The following PLGRKT variants were observed in gnomAD, a reference collection of about 807,000 sequenced individuals.
The protein encoded by PLGRKT is plasminogen receptor (KT).
PLGRKT carries 22 observed loss-of-function variants against 18.5 expected under a neutral mutation model. The observed-to-expected ratio is 1.19, with a 90% CI of 0.85 to 1.70. The LOEUF (loss-of-function observed/expected upper bound fraction) is 1.70. Among genes scored for constraint, PLGRKT ranks in the 40% most tolerant of loss-of-function variants. The probability of loss-of-function intolerance (pLI) is 0.00; values close to 1 mark genes in which losing one functional copy is unlikely to be tolerated. For synonymous variants in PLGRKT, 72 were observed against 52.8 expected, an observed-to-expected ratio of 1.36 and a Z score of -1.58; for missense variants, 235 against 174.4, an observed-to-expected ratio of 1.35 and a Z score of -1.96.
At chr9:5,368,749 C>A (rs1817451158) in intron 3 of PLGRKT, among the ~76,000 whole-genome samples, 1 of 152,048 alleles carries the variant, frequency 6.6e-6, no homozygotes, top group African/African-American at 2.4e-5. Context: ...ATAAAGATAC[C>A]AAAACGGATA....
intron 3 of PLGRKT, among the ~76,000 whole-genome samples, chr9:5,417,191 G>A (rs1280565510): frequency 6.6e-6 from 1 of 152,162 alleles, no homozygotes; most frequent in African/African-American, 2.4e-5. Context: ...GGCTGTGTGG[G>A]CAGAACCTGG....
At chr9:5,405,612 A>T (rs1818240824) in intron 3 of PLGRKT, among the ~76,000 whole-genome samples, 1 of 152,228 alleles carries the variant, frequency 6.6e-6, no homozygotes. Context: ...TTAACTCAAG[A>T]TGGATTAAAG....
In PLGRKT at chr9:5,418,702, C is replaced by G. The variant is rs554621608; in HGVS notation, c.81+13195G>C. 4.2e-5 allele frequency: 28 copies of G among 663,172 alleles called. No individual in the cohort carries two copies. Among genetic ancestry groups the G allele is most frequent in the Admixed American group, 8.4e-5 (4 of 47,590 alleles). The allele number at this position is 663,172 out of a possible 1,614,324, so 41.1% of individuals were successfully genotyped here. A position where few individuals can be genotyped will look rare whatever the true frequency, so the allele number is the denominator to read the frequency against. ...CATGTAGCACCCACTGCCGGGAAGT[C>G]TGATGAAGACCGGCATGTGCTCCGA... On this transcript the variant is annotated intron_variant, in intron 3 of 5. Transcript: ENST00000223864. The surrounding 1 kb of genome is among the most constrained non-coding windows in gnomAD (Gnocchi z 4.2).
At chr9:5,361,996 T>C (rs1817278191) in intron 3 of PLGRKT, 108 bp from the exon 4 acceptor site, 8 of 1,104,104 alleles carry the variant, frequency 7.2e-6, no homozygotes, top group African/African-American at 1.6e-5. Flanking sequence ...CTTTAATTCA[T>C]GTTTTTTCAA....
intron 3 of PLGRKT, among the ~76,000 whole-genome samples, chr9:5,420,882 G>A (rs993913457): frequency 2.0e-5 from 3 of 152,100 alleles, no homozygotes; most frequent in East Asian, 1.9e-4. Flanking sequence ...ACAGATGGGG[G>A]GCACAAGTGT....
In PLGRKT at chr9:5,371,986, CT is replaced by C. The variant is rs71326158; in HGVS notation, c.82-10099del. On this transcript the variant is annotated intron_variant, in intron 3 of 5. Coordinates refer to ENST00000223864, the MANE Select transcript of PLGRKT (RefSeq NM_018465.4). Reference sequence around the variant, plus strand: ...CTGCAAAAAACAATATCAGAAAATCCTTTTTTTTTTTTTGATATGGAGTCTC... The same window carrying C: ...CTGCAAAAAACAATATCAGAAAATCCTTTTTTTTTTTTGATATGGAGTCTC... 1.3e-3 allele frequency among the ~76,000 whole-genome samples: 112 copies of C among 89,058 alleles called. 1 individual carries two copies. The highest frequency in any genetic ancestry group is 1.1e-3 in the Non-Finnish European group (51 of 48,552). 58.4% of individuals were successfully genotyped at this position (89,058 alleles called of 152,430 possible).
chr9:5,366,607 G>C (rs1268299843), intron 3 of PLGRKT, among the ~76,000 whole-genome samples: 1 of 152,042 alleles, frequency 6.6e-6, no homozygotes, highest in East Asian at 1.9e-4. Flanking sequence ...AAAATAATAA[G>C]AGCCATCTAT....
At chr9:5,368,815 C>T (rs149308971) in intron 3 of PLGRKT, among the ~76,000 whole-genome samples, 535 of 152,214 alleles carry the variant, frequency 3.5e-3, no homozygotes, top group Non-Finnish European at 6.6e-3. Context: ...CATCTACAAC[C>T]ATCTGATCTT....
intron 3 of PLGRKT, among the ~76,000 whole-genome samples, chr9:5,423,143 T>C (rs1043448355): frequency 1.3e-5 from 2 of 152,176 alleles, no homozygotes; most frequent in East Asian, 3.8e-4. Context: ...CAAAACACTC[T>C]AGAATTCTCA....
chr9:5,381,582 G>A (rs1336216992), intron 3 of PLGRKT, among the ~76,000 whole-genome samples: 1 of 152,206 alleles, frequency 6.6e-6, no homozygotes, highest in Non-Finnish European at 1.5e-5. Flanking sequence ...CAGATGTGTG[G>A]CCATGAGAAA....
chr9:5,421,280 T>C (rs1352246606), intron 3 of PLGRKT, among the ~76,000 whole-genome samples: 2 of 152,244 alleles, frequency 1.3e-5, no homozygotes, highest in East Asian at 1.9e-4. Flanking sequence ...GCTATCTGCA[T>C]GGCTCACTTT....
intron 3 of PLGRKT, among the ~76,000 whole-genome samples, chr9:5,431,007 T>G (rs1272688235): frequency 1.3e-5 from 2 of 152,238 alleles, no homozygotes; most frequent in African/African-American, 4.8e-5. Flanking sequence ...ACGAAGTCTG[T>G]GGCTTAAAAC....
chr9:5,360,326 T>C (rs887942815), intron 5 of PLGRKT, among the ~76,000 whole-genome samples: 1 of 152,190 alleles, frequency 6.6e-6, no homozygotes, highest in Non-Finnish European at 1.5e-5. Context: ...TGGCAAACTG[T>C]CTTAAAGGGC....
chr9:5,378,181 C>A (rs1817668339), intron 3 of PLGRKT, among the ~76,000 whole-genome samples: 1 of 152,122 alleles, frequency 6.6e-6, no homozygotes, highest in African/African-American at 2.4e-5. Context: ...TGAGGGAAAC[C>A]AACAGCGTAA....
intron 3 of PLGRKT, among the ~76,000 whole-genome samples, chr9:5,368,738 A>C (rs541190368): frequency 3.9e-5 from 6 of 152,210 alleles, no homozygotes; most frequent in African/African-American, 1.4e-4. Flanking sequence ...AATTATAAAA[A>C]ATAAAGATAC....
At chr9:5,374,291 G>C (rs1817585813) in intron 3 of PLGRKT, among the ~76,000 whole-genome samples, 1 of 152,154 alleles carries the variant, frequency 6.6e-6, no homozygotes, top group Admixed American at 6.6e-5. Context: ...TCACTAAACT[G>C]TGTTTTCTGT....
At chr9:5,384,082 G>C (rs965660253) in intron 3 of PLGRKT, among the ~76,000 whole-genome samples, 23 of 152,212 alleles carry the variant, frequency 1.5e-4, no homozygotes, top group Non-Finnish European at 2.8e-4. Context: ...GAGATAGATG[G>C]ATCTGAGACT....
rs532170292 is a variant in PLGRKT at position 5,387,582 on chromosome 9, G to A, written c.82-25694C>T. Among the ~76,000 whole-genome samples the A allele has an allele frequency of 3.6e-4, 54 of 151,924 alleles. No homozygotes were observed. In the South Asian group the frequency reaches 5.8e-3, roughly 16 times the overall value. On this transcript the variant is annotated intron_variant, in intron 3 of 5. Coordinates refer to ENST00000223864, the MANE Select transcript of PLGRKT (RefSeq NM_018465.4). ...CCATATAGTCCCATATATAAGGAGC[G>A]TTAAAATAGGCAAAATTAATTTATG...
rs141801593 is a variant in PLGRKT at position 5,390,492 on chromosome 9, G to C, written c.82-28604C>G. ...CCTTGGCTGTCCCCACAGGGTCCAA[G>C]GGCAGAATGCAAACACTATCACATC... is the stretch of plus-strand genomic sequence containing the variant. On this transcript the variant is annotated intron_variant, in intron 3 of 5. Transcript: ENST00000223864. Among the ~76,000 whole-genome samples the C allele has an allele frequency of 1.5e-4, 23 of 151,906 alleles. No individual in the cohort carries two copies. In the South Asian group the frequency reaches 3.5e-3, roughly 23 times the overall value.
Sources: allele counts gnomAD v4.1 joint callset (sites outside exome capture counted in the v4.1 genomes callset), GRCh38; gene constraint gnomAD v4.1.1; non-coding constraint Gnocchi (gnomAD v3.1); transcripts MANE v1.5; gene names NCBI Gene and HGNC (gene_info 2026-07-23, HGNC 2026-07-21).